Variants in ACCSL observed in about 807,000 individuals in gnomAD.
ACCSL encodes the protein 1-aminocyclopropane-1-carboxylate synthase homolog (inactive) like.
Under a neutral mutation model 61.7 loss-of-function variants are expected in ACCSL, and 55 were observed. The ratio of observed to expected loss-of-function variants is 0.89; its 90% CI spans 0.72 to 1.12. The LOEUF (loss-of-function observed/expected upper bound fraction) is 1.12. Ranked by LOEUF, ACCSL falls within the 50% of genes most tolerant of loss-of-function variation. The probability of loss-of-function intolerance (pLI) is 0.00; values close to 1 mark genes in which losing one functional copy is unlikely to be tolerated. For synonymous variants in ACCSL, 258 were observed against 264.3 expected, an observed-to-expected ratio of 0.98 and a Z score of 0.23; for missense variants, 632 against 698.0, an observed-to-expected ratio of 0.91 and a Z score of 1.07.
chr11:43,969,924 T>G, the ACCSL span, among the ~76,000 whole-genome samples: 1 of 152,050 alleles, frequency 6.6e-6, no homozygotes, highest in African/African-American at 2.4e-5. Flanking sequence ...CTCTCTCCCC[T>G]ACATACACCT....
chr11:44,048,222 G>T lies in ACCSL; in HGVS notation c.186G>T (p.Glu62Asp). The change falls in exon 1 of 14, where the codon GAG becomes GAT. Residue 62 changes from glutamate (E) to aspartate (D), a missense_variant. Glu to Asp is a conservative substitution (Grantham distance 45). Coordinates refer to ENST00000378832, the MANE Select transcript of ACCSL (RefSeq NM_001031854.2). Reference protein sequence around the residue: ...GLSLEERRHTEAICEHEALLS... With the variant: ...GLSLEERRHTDAICEHEALLS... Reference sequence around the variant, plus strand: ...CGCTGGAGGAAAGGAGGCACACTGAGGCCATCTGTGAGCATGAAGCCCTTC... The same window carrying T: ...CGCTGGAGGAAAGGAGGCACACTGATGCCATCTGTGAGCATGAAGCCCTTC... 1 of 1,614,180 alleles carries T rather than the reference G, an allele frequency of 6.2e-7. No individual in the cohort carries two copies.
the ACCSL span, among the ~76,000 whole-genome samples, chr11:43,981,717 G>T: frequency 6.6e-6 from 1 of 152,146 alleles, no homozygotes; most frequent in Non-Finnish European, 1.5e-5. Context: ...GGGACCCTTT[G>T]CTCAGAAGCC....
upstream of ACCSL, among the ~76,000 whole-genome samples, chr11:44,044,227 A>G (rs994775906): frequency 1.3e-5 from 2 of 152,144 alleles, no homozygotes; most frequent in African/African-American, 2.4e-5. Flanking sequence ...CTGGTTTTCT[A>G]CTAGTTCACT....
the ACCSL span, among the ~76,000 whole-genome samples, chr11:43,965,011 T>C: frequency 6.6e-6 from 1 of 152,226 alleles, no homozygotes; most frequent in African/African-American, 2.4e-5. Flanking sequence ...GCTGAAACTT[T>C]CCCTCTAAGA....
At chr11:43,955,878 G>A in the ACCSL span, among the ~76,000 whole-genome samples, 1 of 151,568 alleles carries the variant, frequency 6.6e-6, no homozygotes, top group Non-Finnish European at 1.5e-5. Context: ...GCTGAGCTGA[G>A]GCCAAGCTAA....
the ACCSL span, among the ~76,000 whole-genome samples, chr11:43,939,599 C>G: frequency 4.1e-5 from 6 of 147,814 alleles, no homozygotes; most frequent in Non-Finnish European, 7.4e-5. Context: ...CAAGAAAATA[C>G]ACAGAAGTCA....
chr11:44,032,205 G>A, the ACCSL span, among the ~76,000 whole-genome samples: 1 of 152,176 alleles, frequency 6.6e-6, no homozygotes, highest in African/African-American at 2.4e-5. Flanking sequence ...TCTAATGGGT[G>A]CTTTGCTGGG....
the ACCSL span, among the ~76,000 whole-genome samples, chr11:44,020,203 T>G: frequency 6.6e-6 from 1 of 152,226 alleles, no homozygotes; most frequent in Non-Finnish European, 1.5e-5. Context: ...TGCATGTTTA[T>G]TAGCTCGTAT....
At chr11:43,955,796 A>AT in the ACCSL span, among the ~76,000 whole-genome samples, 1 of 151,998 alleles carries the variant, frequency 6.6e-6, no homozygotes, top group Non-Finnish European at 1.5e-5. Flanking sequence ...ACAATTTTTT[A>AT]TGTCTACACC....
chr11:44,019,051 C>T, the ACCSL span, among the ~76,000 whole-genome samples: 1 of 152,104 alleles, frequency 6.6e-6, no homozygotes, highest in East Asian at 1.9e-4. Context: ...TGAAGTAATA[C>T]AATGTGTGGT....
At chr11:43,930,731 G>A in the ACCSL span, among the ~76,000 whole-genome samples, 6 of 151,960 alleles carry the variant, frequency 3.9e-5, no homozygotes, top group South Asian at 2.1e-4. Flanking sequence ...TATGCAAAAT[G>A]GACTAATACA....
upstream of ACCSL, among the ~76,000 whole-genome samples, chr11:44,045,459 CA>C (rs1185341416): frequency 6.6e-6 from 1 of 152,082 alleles, no homozygotes. Flanking sequence ...CAACCCCCCC[CA>C]CAAAAAAACC....
the ACCSL span, among the ~76,000 whole-genome samples, chr11:44,039,779 A>G: frequency 6.6e-6 from 1 of 152,252 alleles, no homozygotes; most frequent in African/African-American, 2.4e-5. Context: ...GCAAAGAGGC[A>G]CAAGGCAGAG....
chr11:43,996,365 C>T, the ACCSL span, among the ~76,000 whole-genome samples: 1 of 152,148 alleles, frequency 6.6e-6, no homozygotes, highest in African/African-American at 2.4e-5. Context: ...GTCAGAGGGG[C>T]GTCAGTGGCT....
At chr11:43,973,330 TGA>T in the ACCSL span, among the ~76,000 whole-genome samples, 2 of 152,224 alleles carry the variant, frequency 1.3e-5, no homozygotes, top group African/African-American at 4.8e-5. Flanking sequence ...AGTTTTAGTG[TGA>T]GTGTTCTATT....
the ACCSL span, among the ~76,000 whole-genome samples, chr11:43,956,470 G>A: frequency 3.9e-5 from 6 of 152,028 alleles, no homozygotes; most frequent in East Asian, 7.7e-4. Context: ...CCCAGGCTGG[G>A]GTGCAATGGC....
chr11:43,965,331 G>T, the ACCSL span, among the ~76,000 whole-genome samples: 7 of 152,112 alleles, frequency 4.6e-5, no homozygotes, highest in African/African-American at 1.7e-4. Context: ...GGGAAATTAA[G>T]CAAACAATTC....
the ACCSL span, among the ~76,000 whole-genome samples, chr11:44,003,122 A>C: frequency 1.3e-5 from 2 of 152,202 alleles, no homozygotes; most frequent in Admixed American, 6.5e-5. Context: ...CAGAAAAGTA[A>C]TTGCATTAGG....
upstream of ACCSL, among the ~76,000 whole-genome samples, chr11:44,043,037 T>G (rs117043438): frequency 3.9e-3 from 591 of 151,766 alleles, 4 homozygotes; most frequent in East Asian, 0.031. Context: ...GAGCTCTGAT[T>G]GCACCATTGC....
Sources: allele counts gnomAD v4.1 joint callset (sites outside exome capture counted in the v4.1 genomes callset), GRCh38; gene constraint gnomAD v4.1.1; transcripts MANE v1.5; gene names NCBI Gene and HGNC (gene_info 2026-07-23, HGNC 2026-07-21).